HS6ST3: variants seen among roughly 807,000 people sequenced by gnomAD.
HS6ST3 encodes the protein heparan-sulfate 6-O-sulfotransferase 3.
In HS6ST3, 12 loss-of-function variants were observed where a neutral mutation model predicts 36.7. That is an observed-to-expected ratio of 0.33 (90% CI 0.21 to 0.53). The LOEUF is 0.53. Among genes scored for constraint, HS6ST3 ranks in the 20% least tolerant of loss-of-function variants. The pLI is 0.95. For missense variants in HS6ST3, 584 were observed against 640.9 expected (o/e 0.91, Z 0.96); for synonymous variants, 240 against 257.5 (o/e 0.93, Z 0.65).
intron 1 of HS6ST3, among the ~76,000 whole-genome samples, chr13:96,547,198 A>C (rs1292430244): frequency 1.3e-5 from 2 of 152,220 alleles, no homozygotes; most frequent in Non-Finnish European, 2.9e-5. Flanking sequence ...TACCTAAAGA[A>C]ATGAACTCTG....
intron 1 of HS6ST3, among the ~76,000 whole-genome samples, chr13:96,698,109 T>A (rs1875182244): frequency 6.6e-6 from 1 of 152,230 alleles, no homozygotes; most frequent in Admixed American, 6.5e-5. Context: ...GTTTGTTACA[T>A]ATGTATACAT....
At chr13:96,174,792 C>A (rs1261540473) in intron 1 of HS6ST3, among the ~76,000 whole-genome samples, 2 of 152,116 alleles carry the variant, frequency 1.3e-5, no homozygotes, top group Admixed American at 6.6e-5. Flanking sequence ...TATAGTCTTA[C>A]AGAATGGATC....
At chr13:96,248,087 G>T (rs564606170) in intron 1 of HS6ST3, among the ~76,000 whole-genome samples, 1 of 152,192 alleles carries the variant, frequency 6.6e-6, no homozygotes, top group African/African-American at 2.4e-5. Flanking sequence ...AGTATACAGT[G>T]TCTTTCAGTT....
chr13:96,590,718 G>A (rs1244803406), intron 1 of HS6ST3, among the ~76,000 whole-genome samples: 1 of 151,970 alleles, frequency 6.6e-6, no homozygotes, highest in South Asian at 2.1e-4. Flanking sequence ...GTCCATTTTT[G>A]CTTTGGTTGC....
intron 1 of HS6ST3, among the ~76,000 whole-genome samples, chr13:96,409,548 GTCAGGTTATATGCTAAGTT>G (rs2055496845): frequency 6.6e-6 from 1 of 152,156 alleles, no homozygotes; most frequent in African/African-American, 2.4e-5. Context: ...ACGGCTGAGT[GTCAGGTTATATGCTAAGTT>G]TCAAAATGTG....
chr13:96,607,531 G>A (rs1198982868), intron 1 of HS6ST3, among the ~76,000 whole-genome samples: 2 of 152,152 alleles, frequency 1.3e-5, no homozygotes, highest in Non-Finnish European at 2.9e-5. Flanking sequence ...TACTTGTAGA[G>A]CTTAAAGTAA....
At chr13:96,643,653 G>A (rs1288161491) in intron 1 of HS6ST3, among the ~76,000 whole-genome samples, 2 of 151,808 alleles carry the variant, frequency 1.3e-5, no homozygotes, top group Non-Finnish European at 2.9e-5. Context: ...TGAGCTTCAT[G>A]TCACTTCAAG....
At chr13:96,214,279 A>G (rs1484003609) in intron 1 of HS6ST3, among the ~76,000 whole-genome samples, 1 of 152,110 alleles carries the variant, frequency 6.6e-6, no homozygotes, top group African/African-American at 2.4e-5. Context: ...ATTTGGGGAT[A>G]TGGTGGATGG....
intron 1 of HS6ST3, among the ~76,000 whole-genome samples, chr13:96,666,278 A>C (rs765404976): frequency 4.3e-4 from 66 of 152,156 alleles, no homozygotes; most frequent in Non-Finnish European, 6.9e-4. Context: ...ACCTTCCACC[A>C]GGTCCCTCTG....
chr13:96,523,962 C>T (rs1190250318), intron 1 of HS6ST3, among the ~76,000 whole-genome samples: 3 of 152,184 alleles, frequency 2.0e-5, no homozygotes, highest in Non-Finnish European at 4.4e-5. Context: ...AATTTTCAGC[C>T]TTTCTGCTCT....
At chr13:96,245,305 C>T (rs1930224) in intron 1 of HS6ST3, among the ~76,000 whole-genome samples, 30,517 of 152,096 alleles carry the variant, frequency 0.2, 3,876 homozygotes, top group Non-Finnish European at 0.27. Context: ...TGCAATCTTA[C>T]AGTCACCAAA....
At chr13:96,794,072 A>G (rs1877854351) in intron 1 of HS6ST3, among the ~76,000 whole-genome samples, 1 of 152,058 alleles carries the variant, frequency 6.6e-6, no homozygotes, top group East Asian at 1.9e-4. Flanking sequence ...ATGGAGCAAG[A>G]TTTTGGCATG....
intron 1 of HS6ST3, among the ~76,000 whole-genome samples, chr13:96,584,202 A>G (rs894556562): frequency 2.6e-5 from 4 of 152,114 alleles, no homozygotes; most frequent in African/African-American, 9.7e-5. Context: ...CAGTGACACA[A>G]TCTCGATCTC....
chr13:96,687,636 G>A (rs1253285965), intron 1 of HS6ST3, among the ~76,000 whole-genome samples: 1 of 151,848 alleles, frequency 6.6e-6, no homozygotes, highest in Non-Finnish European at 1.5e-5. Flanking sequence ...AGTCTGAGAG[G>A]CAGTACACAC....
intron 1 of HS6ST3, among the ~76,000 whole-genome samples, chr13:96,806,506 G>A (rs1375580541): frequency 6.6e-6 from 1 of 152,198 alleles, no homozygotes; most frequent in Non-Finnish European, 1.5e-5. Flanking sequence ...GTGAGAAAAG[G>A]CTTTCCTAAG....
chr13:96,265,958 G>T (rs1594737323), intron 1 of HS6ST3, among the ~76,000 whole-genome samples: 2 of 152,216 alleles, frequency 1.3e-5, no homozygotes, highest in Admixed American at 1.3e-4. Context: ...GTAAGATGGG[G>T]ATAACCTCTG....
chr13:96,348,111 T>C (rs2055164544), intron 1 of HS6ST3, among the ~76,000 whole-genome samples: 1 of 152,194 alleles, frequency 6.6e-6, no homozygotes, highest in Non-Finnish European at 1.5e-5. Context: ...AGAAAAAATA[T>C]GGGAAGAGGT....
intron 1 of HS6ST3, among the ~76,000 whole-genome samples, chr13:96,398,842 G>C (rs868700100): frequency 6.6e-6 from 1 of 152,184 alleles, no homozygotes. Context: ...GGCCCTGGAG[G>C]CTGCCTCTAG....
At chr13:96,145,681 T>G (rs915289431) in intron 1 of HS6ST3, among the ~76,000 whole-genome samples, 102 of 152,204 alleles carry the variant, frequency 6.7e-4, no homozygotes, top group African/African-American at 1.5e-3. Flanking sequence ...GTCAATTTTG[T>G]CTTTTGTTGC....
Sources: allele counts gnomAD v4.1 joint callset (sites outside exome capture counted in the v4.1 genomes callset), GRCh38; gene constraint gnomAD v4.1.1; transcripts MANE v1.5; gene names NCBI Gene and HGNC (gene_info 2026-07-23, HGNC 2026-07-21).